Variants in PKD1 observed in about 807,000 individuals in gnomAD.
PKD1 encodes the protein polycystin 1, transient receptor potential channel interacting.
Under a neutral mutation model 361.7 loss-of-function variants are expected in PKD1, and 81 were observed. That is an observed-to-expected ratio of 0.22 (90% CI 0.19 to 0.27). The LOEUF (loss-of-function observed/expected upper bound fraction) is 0.27, where lower values mean the gene tolerates loss of function less well. PKD1 is among the 10% of genes least tolerant of loss of function. The probability of loss-of-function intolerance (pLI) is 1.00; values close to 1 mark genes in which losing one functional copy is unlikely to be tolerated. For synonymous variants in PKD1, 3,615 were observed against 2,818.3 expected, an observed-to-expected ratio of 1.28 and a Z score of -8.95; for missense variants, 6,399 against 6,118.3, an observed-to-expected ratio of 1.05 and a Z score of -1.53.
chr16:2,105,190 G>A (rs1438140978), intron 21 of PKD1, 132 bp downstream of exon 21: 9 of 867,892 alleles, frequency 1.0e-5, no homozygotes, highest in Admixed American at 2.1e-5. Context: ...CAGAGACCGA[G>A]GAACGCCATG....
Position 2,102,623 on chromosome 16 carries a change from G to A in PKD1, c.8959C>T (p.Pro2987Ser). ...AGGTTCAGATGGTAACTCCCCGCTG[G>A]GTCTCTGCTCCTGGGCAGGGAAGGG... ...TFFISPGSRD[P>S]AGSYHLNLSS... Residue 2987 changes from proline to serine, a missense_variant, in exon 25 of 46, where the codon CCA (proline) becomes TCA (serine). Pro to Ser is a moderately conservative substitution (Grantham distance 74, BLOSUM62 -1). Transcript: ENST00000262304. 2 of 1,611,008 alleles carry A rather than the reference G, an allele frequency of 1.2e-6. No individual in the cohort carries two copies. The highest frequency in any genetic ancestry group is 2.2e-5 in the East Asian group (1 of 44,878).
At position 2,112,450 on chromosome 16, in the gene PKD1, T is replaced by A. The variant is rs996949033; in HGVS notation, c.3185A>T (p.Gln1062Leu). 5.7e-6 allele frequency: 9 copies of A among 1,587,808 alleles called. No individual in the cohort carries two copies. Among genetic ancestry groups the A allele is most frequent in the Admixed American group, 1.7e-5 (1 of 59,070 alleles). The change falls in exon 14 of 46, where the codon CAG (glutamine) becomes CTG (leucine). Residue 1062 changes from glutamine (Q) to leucine (L), a missense_variant. Transcript: ENST00000262304. ...AFLWTFGDGE[Q>L]ALHQFQPPYN... ...CGGAGGCTGGAACTGGTGGAGGGCC[T>A]GCTCCCCATCCCCAAAGGTCCACCT...
At chr16:2,108,215 G>T (rs1468363826) in intron 15 of PKD1, 37 bp downstream of exon 15, 1 of 1,571,044 alleles carries the variant, frequency 6.4e-7, no homozygotes, top group South Asian at 1.1e-5. Context: ...GTGTGGACGG[G>T]TGAGGGGCAT....
rs144200494 is a variant in PKD1, at chr16:2,110,643, G to A, written c.4524C>T (p.Leu1508=). The A allele has an allele frequency of 2.2e-4, 362 of 1,609,970 alleles. No individual in the cohort carries two copies. In the African/African-American group the frequency reaches 2.5e-3, roughly 11 times the overall value. ...AAGCGTGGGTGACCTCCGGACCCTC[G>A]AGCCACCCACCGTCCCCCAGATCCC... ...YLWDLGDGGW[L]EGPEVTHAYN... Residue 1508 remains leucine (L), a synonymous_variant, in exon 15 of 46, where the codon CTC becomes CTT. Coordinates refer to ENST00000262304, the MANE Select transcript of PKD1 (RefSeq NM_001009944.3).
In PKD1 at chr16:2,114,367, G is replaced by A. The variant is rs1258598121; in HGVS notation, c.2656C>T (p.Pro886Ser). The change falls in exon 11 of 46, where the codon CCC (proline) becomes TCC (serine). Residue 886 changes from proline (P) to serine (S), a missense_variant. Pro to Ser is a moderately conservative substitution (Grantham distance 74). Coordinates refer to ENST00000262304, the MANE Select transcript of PKD1 (RefSeq NM_001009944.3). ...AACAGGGTATCGTTGGTCTCCCAGGGGCAGCCGGGCACGAAGGTGGCCACC... is the reference window on the plus strand; with the variant it reads ...AACAGGGTATCGTTGGTCTCCCAGGAGCAGCCGGGCACGAAGGTGGCCACC... ...ALVATFVPGC[P>S]WETNDTLFSV... 3 of 1,609,710 alleles carry A rather than the reference G, an allele frequency of 1.9e-6. No homozygotes were observed. The highest frequency in any genetic ancestry group is 2.5e-6 in the Non-Finnish European group (3 of 1,179,566).
intron 1 of PKD1, among the ~76,000 whole-genome samples, chr16:2,124,473 G>A (rs550343554): frequency 5.3e-5 from 8 of 152,356 alleles, no homozygotes; most frequent in African/African-American, 1.7e-4. Flanking sequence ...CCCCACAGGC[G>A]CTCCTGGGCC....
At position 2,103,338 on chromosome 16, in the gene PKD1, C is replaced by A. The variant is rs2092180713; in HGVS notation, c.8719G>T (p.Ala2907Ser). The A allele has an allele frequency of 1.2e-6, 2 of 1,606,452 alleles. No homozygotes were observed. Among genetic ancestry groups the A allele is most frequent in the Non-Finnish European group, 1.7e-6 (2 of 1,179,644 alleles). ...TTGCTGCTGTCCAGGGTGACCACAGCACCGACGGAGGCCTGGGGCTGGACC... is the reference window on the plus strand; with the variant it reads ...TTGCTGCTGTCCAGGGTGACCACAGAACCGACGGAGGCCTGGGGCTGGACC... ...VVVQPQASVG[A>S]VVTLDSSNPA... is the part of the protein sequence containing the mutation. The change falls in exon 23 of 46, where the codon GCT becomes TCT. Residue 2907 changes from alanine to serine, a missense_variant. Physicochemically the swap from Ala to Ser is moderately conservative, Grantham distance 99 (BLOSUM62 1). Transcript: ENST00000262304.
rs762706416 is a variant in PKD1, at chr16:2,109,973, C to T, written c.5194G>A (p.Val1732Ile). ...GCACTGAGGGTGACGCTTGTGTTGA[C>T]GGCAGCTGGGTTCGGGGAGGCGGCC... ...MVAASPNPAA[V>I]NTSVTLSAEL... The change falls in exon 15 of 46, where the codon GTC becomes ATC. Residue 1732 changes from valine (V) to isoleucine (I), a missense_variant. Physicochemically the swap from Val to Ile is conservative, Grantham distance 29. Coordinates refer to ENST00000262304, the MANE Select transcript of PKD1 (RefSeq NM_001009944.3). 14 of 1,609,798 alleles carry T rather than the reference C, an allele frequency of 8.7e-6. No individual in the cohort carries two copies. The highest frequency in any genetic ancestry group is 5.3e-5 in the African/African-American group (4 of 74,834).
intron 1 of PKD1, among the ~76,000 whole-genome samples, chr16:2,124,327 G>GC (rs2092766059): frequency 6.6e-6 from 1 of 152,218 alleles, no homozygotes; most frequent in African/African-American, 2.4e-5. Flanking sequence ...TCGCCCTGGA[G>GC]CCTCGGCCCC....
In PKD1 at chr16:2,090,663, C is replaced by A. The variant is rs1057016199; in HGVS notation, c.12138+11G>T. The A allele has an allele frequency of 6.2e-7, 1 of 1,611,726 alleles. No individual in the cohort carries two copies. Among genetic ancestry groups the A allele is most frequent in the Non-Finnish European group, 8.5e-7 (1 of 1,179,858 alleles). On this transcript the variant is annotated intron_variant, in intron 44 of 45. Coordinates refer to ENST00000262304, the MANE Select transcript of PKD1 (RefSeq NM_001009944.3). ...AGCTAAGACGCCCTCCCCGGCCGCG[C>A]AGTCACCTACCAGGATGGCCAGCTG...
chr16:2,100,823 A>G lies in PKD1; in HGVS notation c.9398-257T>C. 1.9e-6 allele frequency: 1 copy of G among 536,420 alleles called. No individual in the cohort carries two copies. Among genetic ancestry groups the G allele is most frequent in the South Asian group, 2.0e-5 (1 of 49,954 alleles). The allele number at this position is 536,420 out of a possible 1,614,324, so 33.2% of individuals were successfully genotyped here. A position where few individuals can be genotyped will look rare whatever the true frequency, so the allele number is the denominator to read the frequency against. On this transcript the variant is annotated intron_variant, in intron 26 of 45. Transcript: ENST00000262304. The surrounding 1 kb of genome is among the most constrained non-coding windows in gnomAD (Gnocchi z 4.4). ...ATGCAAACATGGCTGCACACGCCTC[A>G]GTCCACACCACAACCAGTGACCCGC... is the stretch of plus-strand genomic sequence containing the variant.
chr16:2,126,445 G>C (rs2092801018), intron 1 of PKD1, among the ~76,000 whole-genome samples: 1 of 152,280 alleles, frequency 6.6e-6, no homozygotes. Flanking sequence ...GCCCGCCTCA[G>C]CCCCAGATGT....
At chr16:2,091,986 A>T in intron 40 of PKD1, 61 bp downstream of exon 40, 1 of 1,611,582 alleles carries the variant, frequency 6.2e-7, no homozygotes. Flanking sequence ...AGGCCGCGGC[A>T]CTCCTGGAGA....
Position 2,129,273 on chromosome 16 carries a change from C to G in PKD1, c.215+6202G>C, listed in dbSNP as rs562644232. Among the ~76,000 whole-genome samples, 57 of 151,536 alleles carry G rather than the reference C, an allele frequency of 3.8e-4. No homozygotes were observed. The South Asian group carries it at 8.4e-3, about 22-fold the overall frequency. On this transcript the variant is annotated intron_variant, in intron 1 of 45. Coordinates refer to ENST00000262304, the MANE Select transcript of PKD1 (RefSeq NM_001009944.3). ...CTCATAGACTCAGGGAATCCTCCCC[C>G]CTCAGCCTCCCAACTAGCTGGGACT... is the stretch of plus-strand genomic sequence containing the variant.
chr16:2,096,967 C>T (rs1333993893), intron 34 of PKD1, 181 bp downstream of exon 34: 3 of 619,512 alleles, frequency 4.8e-6, no homozygotes, highest in Admixed American at 2.5e-5. Flanking sequence ...GTTCTGGGGC[C>T]CTGGGGATCC....
chr16:2,122,035 C>T (rs1219998550), intron 1 of PKD1, among the ~76,000 whole-genome samples: 1 of 152,260 alleles, frequency 6.6e-6, no homozygotes, highest in Non-Finnish European at 1.5e-5. Context: ...AGGAGAGACG[C>T]ACACACAGGC....
At chr16:2,107,427 A>C in intron 16 of PKD1, 1 of 358,228 alleles carries the variant, frequency 2.8e-6, no homozygotes, top group Non-Finnish European at 5.4e-6. Flanking sequence ...GAAAGCAGGG[A>C]CTGGGGAACA....
chr16:2,112,792 A>C lies in PKD1; in HGVS notation c.3157T>G (p.Phe1053Val). ...VLVDSAVEVA[F>V]LWTFGDGEQA... is the part of the protein sequence containing the mutation. The stretch of plus-strand genomic sequence containing the variant: ...ACCGGCCCCCGAGTCACTCACAGGA[A>C]GGCCACCTCCACGGCCGAGTCCACC... Residue 1053 changes from phenylalanine to valine, a missense_variant, in exon 13 of 46, where the codon TTC (phenylalanine) becomes GTC (valine). Phe to Val is a conservative substitution (Grantham distance 50). Coordinates refer to ENST00000262304, the MANE Select transcript of PKD1 (RefSeq NM_001009944.3). 6.3e-7 allele frequency: 1 copy of C among 1,596,806 alleles called. No homozygotes were observed. The highest frequency in any genetic ancestry group is 8.5e-7 in the Non-Finnish European group (1 of 1,179,406).
Position 2,092,675 on chromosome 16 carries a change from A to C in PKD1, c.11157-83T>G, listed in dbSNP as rs1052648501. The C allele has an allele frequency of 1.6e-5, 16 of 1,032,034 alleles. No homozygotes were observed. The South Asian group carries it at 2.0e-4, about 13-fold the overall frequency. 63.9% of individuals were successfully genotyped at this position (1,032,034 alleles called of 1,614,324 possible). On this transcript the variant is annotated intron_variant, in intron 38 of 45. Coordinates refer to ENST00000262304, the MANE Select transcript of PKD1 (RefSeq NM_001009944.3). ...AGCGGCCACCAGAGACCCAGGGAAC[A>C]TGGCTCCCACTGCCCTGCTGGCCAC...
Sources: gnomAD v4.1 joint callset for allele counts (sites outside exome capture counted in the v4.1 genomes callset) on GRCh38, gnomAD v4.1.1 for gene constraint, Gnocchi (gnomAD v3.1) non-coding constraint, MANE v1.5 for transcripts, NCBI Gene and HGNC (gene_info 2026-07-23, HGNC 2026-07-21) for gene names.